Variants in NLGN4X observed in about 807,000 individuals in gnomAD.
NLGN4X encodes the protein neuroligin-4, X-linked.
Under a neutral mutation model 40.3 loss-of-function variants are expected in NLGN4X, and 3 were observed. The ratio of observed to expected loss-of-function variants is 0.07; its 90% CI spans 0.03 to 0.19. The LOEUF (loss-of-function observed/expected upper bound fraction) is 0.19. Ranked by LOEUF, NLGN4X falls within the 10% of genes least tolerant of loss-of-function variation. NLGN4X has a pLI of 1.00. For missense variants in NLGN4X, 382 were observed against 708.3 expected (o/e 0.54, Z 5.23); for synonymous variants, 270 against 306.8 (o/e 0.88, Z 1.25).
At chrX:5,925,895 T>TATATACATACAC (rs2033281807) in intron 3 of NLGN4X, among the ~76,000 whole-genome samples, 2 of 16,977 alleles carry the variant, frequency 1.2e-4, no homozygotes, top group Non-Finnish European at 1.8e-4. Flanking sequence ...TATATATATA[T>TATATACATACAC]ATATATATAT....
chrX:6,214,322 C>A (rs1048406257), intron 1 of NLGN4X, among the ~76,000 whole-genome samples: 1 of 111,396 alleles, frequency 9.0e-6, no homozygotes, highest in African/African-American at 3.3e-5. Context: ...TCATCTCTCT[C>A]TTGGAGAGTT....
At chrX:6,014,901 C>T (rs761329531) in intron 3 of NLGN4X, among the ~76,000 whole-genome samples, 2 of 111,782 alleles carry the variant, frequency 1.8e-5, no homozygotes, top group Non-Finnish European at 3.8e-5. Flanking sequence ...CACTGATATT[C>T]TCAGGGACTC....
rs151009981 is a variant in NLGN4X at position 5,945,480 on chromosome X, C to T, written c.626-36241G>A. On this transcript the variant is annotated intron_variant, in intron 3 of 5. Transcript: ENST00000381095. ...CTGAATGCCTTGTTGGTCAGCCTGG[C>T]GGGATCACATTTGGAAGCGAACTTG... Among the ~76,000 whole-genome samples the T allele has an allele frequency of 3.6e-5, 4 of 111,890 alleles. 1 individual carries two copies. Among genetic ancestry groups the T allele is most frequent in the African/African-American group, 1.3e-4 (4 of 30,802 alleles).
At chrX:5,930,424 C>T (rs958823820) in intron 3 of NLGN4X, among the ~76,000 whole-genome samples, 2 of 111,941 alleles carry the variant, frequency 1.8e-5, no homozygotes, top group African/African-American at 6.5e-5. Context: ...CCTAAAGCAA[C>T]AGAACACAAA....
chrX:5,969,550 A>G (rs2034950430), intron 3 of NLGN4X, among the ~76,000 whole-genome samples: 1 of 111,515 alleles, frequency 9.0e-6, no homozygotes, highest in African/African-American at 3.3e-5. Context: ...ATGTGGAGAA[A>G]TAGGAATGCT....
intron 2 of NLGN4X, among the ~76,000 whole-genome samples, chrX:6,053,260 G>A (rs113583699): frequency 5.3e-4 from 60 of 112,206 alleles, no homozygotes; most frequent in African/African-American, 1.8e-3. Context: ...CTCAAATGGC[G>A]TGTACACAGA....
At chrX:6,065,893 C>T (rs774418159) in intron 2 of NLGN4X, among the ~76,000 whole-genome samples, 3 of 110,592 alleles carry the variant, frequency 2.7e-5, no homozygotes, top group African/African-American at 6.6e-5. Flanking sequence ...TCAAAAGCCC[C>T]GAGAAATGCA....
intron 2 of NLGN4X, among the ~76,000 whole-genome samples, chrX:6,114,490 G>A (rs1266880859): frequency 2.9e-5 from 3 of 103,743 alleles, no homozygotes; most frequent in African/African-American, 1.1e-4. Context: ...AATAGTCTCT[G>A]CAAAGTCAGC....
chrX:5,981,465 C>A (rs1490458764), intron 3 of NLGN4X, among the ~76,000 whole-genome samples: 3 of 105,937 alleles, frequency 2.8e-5, no homozygotes, highest in Non-Finnish European at 5.8e-5. Flanking sequence ...TTCATGTCTA[C>A]CAAATTCAAA....
intron 2 of NLGN4X, among the ~76,000 whole-genome samples, chrX:6,083,460 C>T (rs1170930494): frequency 1.8e-5 from 2 of 111,930 alleles, no homozygotes; most frequent in African/African-American, 6.5e-5. Context: ...ATAAAATGAA[C>T]TAAGAAAGAT....
At chrX:6,057,587 G>A (rs1352786673) in intron 2 of NLGN4X, among the ~76,000 whole-genome samples, 1 of 112,211 alleles carries the variant, frequency 8.9e-6, no homozygotes, top group Non-Finnish European at 1.9e-5. Context: ...GCCTTTCATA[G>A]TGGAAGAACA....
intron 3 of NLGN4X, among the ~76,000 whole-genome samples, chrX:5,946,975 C>A (rs930824590): frequency 9.0e-6 from 1 of 111,617 alleles, no homozygotes; most frequent in African/African-American, 3.3e-5. Context: ...ATAATGGCCT[C>A]CAGCTCTATT....
chrX:6,157,408 G>C (rs1602336363), intron 1 of NLGN4X, among the ~76,000 whole-genome samples: 1 of 112,164 alleles, frequency 8.9e-6, no homozygotes, highest in African/African-American at 3.2e-5. Flanking sequence ...AATATACCAT[G>C]AGGAATAGGG....
chrX:5,908,114 AAG>A (rs1208742078), intron 4 of NLGN4X, among the ~76,000 whole-genome samples: 1 of 102,848 alleles, frequency 9.7e-6, no homozygotes, highest in Admixed American at 1.1e-4. Context: ...GACAGAGCAA[AAG>A]AGAGAGAGGG....
At chrX:6,014,354 G>C (rs2036335726) in intron 3 of NLGN4X, among the ~76,000 whole-genome samples, 1 of 111,824 alleles carries the variant, frequency 8.9e-6, no homozygotes. Context: ...AAGACAAACA[G>C]ACAAACCAAG....
chrX:5,988,843 A>G (rs112171475), intron 3 of NLGN4X, among the ~76,000 whole-genome samples: 11 of 111,874 alleles, frequency 9.8e-5, no homozygotes, highest in South Asian at 3.7e-4. Flanking sequence ...GGCGGGCAGA[A>G]CACTTGAAGC....
intron 2 of NLGN4X, among the ~76,000 whole-genome samples, chrX:6,077,645 G>A (rs552784945): frequency 4.5e-5 from 5 of 110,302 alleles, no homozygotes; most frequent in Admixed American, 1.9e-4. Context: ...AAATTTTGTC[G>A]GATTAACCTC....
chrX:5,997,595 TATACACATATATATATAC>T (rs1389150116), intron 3 of NLGN4X, among the ~76,000 whole-genome samples: 2 of 48,488 alleles, frequency 4.1e-5, no homozygotes, highest in Non-Finnish European at 7.3e-5. Flanking sequence ...TGTATATATA[TATACACATATATATATAC>T]ACATATATAT....
At chrX:6,110,725 C>A (rs1400899732) in intron 2 of NLGN4X, among the ~76,000 whole-genome samples, 1 of 111,554 alleles carries the variant, frequency 9.0e-6, no homozygotes, top group African/African-American at 3.3e-5. Context: ...CTTGTAATAT[C>A]CACCCAAGAG....
Sources: allele counts gnomAD v4.1 joint callset (sites outside exome capture counted in the v4.1 genomes callset), GRCh38; gene constraint gnomAD v4.1.1; transcripts MANE v1.5; gene names NCBI Gene and HGNC (gene_info 2026-07-23, HGNC 2026-07-21).